SCAP: variants seen among roughly 807,000 people sequenced by gnomAD.
SCAP encodes SREBF chaperone, also known as sterol regulatory element-binding protein cleavage-activating protein.
In SCAP, 65 loss-of-function variants were observed where a neutral mutation model predicts 123.6. That is an observed-to-expected ratio of 0.53 (90% CI 0.43 to 0.65). The LOEUF (loss-of-function observed/expected upper bound fraction) is 0.65. Among genes scored for constraint, SCAP ranks in the 30% least tolerant of loss-of-function variants. The probability of loss-of-function intolerance (pLI) is 0.00; values close to 1 mark genes in which losing one functional copy is unlikely to be tolerated. For synonymous variants in SCAP, 740 were observed against 726.3 expected (o/e 1.02, Z -0.30); for missense variants, 1,398 against 1,712.5 (o/e 0.82, Z 3.24).
At chr3:47,459,289 A>C (rs1707540244) in intron 1 of SCAP, among the ~76,000 whole-genome samples, 1 of 152,192 alleles carries the variant, frequency 6.6e-6, no homozygotes, top group Non-Finnish European at 1.5e-5. Flanking sequence ...CACACAGGCT[A>C]AACACCCTTT....
chr3:47,433,517 T>G (rs1706449674), intron 3 of SCAP, among the ~76,000 whole-genome samples: 1 of 152,198 alleles, frequency 6.6e-6, no homozygotes, highest in African/African-American at 2.4e-5. Context: ...ATGGGCCAAA[T>G]GAACTCTCCT....
intron 3 of SCAP, among the ~76,000 whole-genome samples, chr3:47,432,345 G>GAAA (rs1164512061): frequency 7.3e-6 from 1 of 137,668 alleles, no homozygotes; most frequent in Non-Finnish European, 1.6e-5. Context: ...AAAGAAAAAG[G>GAAA]AAAAAAAAAA....
intron 3 of SCAP, among the ~76,000 whole-genome samples, chr3:47,432,432 A>G (rs1296017138): frequency 6.6e-6 from 1 of 151,268 alleles, no homozygotes; most frequent in African/African-American, 2.4e-5. Context: ...GACATACACT[A>G]TATTTACTTT....
chr3:47,475,297 C>T (rs768470984), intron 1 of SCAP: 15 of 152,214 alleles, frequency 9.9e-5, no homozygotes, highest in Non-Finnish European at 1.9e-4. Flanking sequence ...CAGAAGTAAA[C>T]AGAAGCAACA....
chr3:47,424,066 G>A, intron 8 of SCAP, 21 bp from the exon 9 acceptor site: 1 of 1,576,150 alleles, frequency 6.3e-7, no homozygotes, highest in Non-Finnish European at 8.7e-7. Context: ...AGAAGGAGAA[G>A]GTGAGGACAG....
chr3:47,446,690 C>G (rs1707057779), intron 1 of SCAP, among the ~76,000 whole-genome samples: 1 of 151,880 alleles, frequency 6.6e-6, no homozygotes, highest in African/African-American at 2.4e-5. Context: ...GCCTGTAATC[C>G]CAACACTTTG....
At chr3:47,450,992 A>G (rs1238776671) in intron 1 of SCAP, among the ~76,000 whole-genome samples, 1 of 119,938 alleles carries the variant, frequency 8.3e-6, no homozygotes, top group African/African-American at 2.9e-5. Context: ...GATTACAGGC[A>G]TGTGCCACCA....
In SCAP at chr3:47,443,026, A is replaced by C; in HGVS notation, c.-33T>G. ...CGAAGTCACCTTGCTGCCATCCCGG[A>C]AAGTGACCATGGATCACCCTGGCAC... On this transcript the variant is annotated 5_prime_UTR_variant, in exon 2 of 23. Coordinates refer to ENST00000265565, the MANE Select transcript of SCAP (RefSeq NM_012235.4). 6.2e-7 allele frequency: 1 copy of C among 1,612,538 alleles called. No individual in the cohort carries two copies. Among genetic ancestry groups the C allele is most frequent in the African/African-American group, 1.3e-5 (1 of 75,000 alleles).
At chr3:47,425,762 A>G in intron 7 of SCAP, 151 bp from the exon 8 acceptor site, 1 of 946,384 alleles carries the variant, frequency 1.1e-6, no homozygotes, top group Non-Finnish European at 1.6e-6. Flanking sequence ...TCCCAGTGTC[A>G]TGGACACAGT....
In SCAP at chr3:47,428,613, GA is replaced by G; in HGVS notation, c.309del (p.Trp105GlyfsTer8). The G allele has an allele frequency of 6.2e-7, 1 of 1,614,160 alleles. No homozygotes were observed. Among genetic ancestry groups the G allele is most frequent in the Non-Finnish European group, 8.5e-7 (1 of 1,180,016 alleles). ...ACTGCCAGGAGGTTCTTGTGCCAGG[GA>G]AACACTGAGGACTTCACAAATATCT... ...VQQIFVKSSV[F>X]PWHKNLLAVD... On this transcript the variant is annotated frameshift_variant, in exon 4 of 23. Coordinates refer to ENST00000265565, the MANE Select transcript of SCAP (RefSeq NM_012235.4). LOFTEE classifies it high-confidence loss of function.
chr3:47,436,236 TA>T (rs1373964421), intron 2 of SCAP, among the ~76,000 whole-genome samples: 1 of 152,070 alleles, frequency 6.6e-6, no homozygotes, highest in Non-Finnish European at 1.5e-5. Flanking sequence ...CCATGAAAAT[TA>T]TGTATAATTA....
In SCAP at chr3:47,471,680, T is replaced by C. The variant is rs1300424745; in HGVS notation, c.-99+4119A>G. On this transcript the variant is annotated intron_variant, in intron 1 of 22. Coordinates refer to ENST00000265565, the MANE Select transcript of SCAP (RefSeq NM_012235.4). ...GCCACTGTGCCTGGCCAACACCTTG[T>C]ATATTTTATGCTTTCTGAAAATGCT... Among the ~76,000 whole-genome samples, 4 of 152,098 alleles carry C rather than the reference T, an allele frequency of 2.6e-5. No individual in the cohort carries two copies. The East Asian group carries it at 7.7e-4, about 29-fold the overall frequency.
chr3:47,472,001 G>A (rs889748716), intron 1 of SCAP, among the ~76,000 whole-genome samples: 3 of 151,930 alleles, frequency 2.0e-5, no homozygotes, highest in Non-Finnish European at 4.4e-5. Context: ...TTAGCCAGGT[G>A]TGGTGGTGCA....
At position 47,413,990 on chromosome 3, in the gene SCAP, G is replaced by A. The variant is rs879130747; in HGVS notation, c.3704C>T (p.Thr1235Ile). 1.2e-6 allele frequency: 2 copies of A among 1,613,300 alleles called. No homozygotes were observed. Among genetic ancestry groups the A allele is most frequent in the South Asian group, 1.1e-5 (1 of 91,088 alleles). Residue 1235 changes from threonine (T) to isoleucine (I), a missense_variant, in exon 23 of 23, where the codon ACA (threonine) becomes ATA (isoleucine). Around this residue, in one of 7 missense-constraint regions of SCAP, gnomAD observed 130 missense variants for 166.7 expected, o/e 0.78. Coordinates refer to ENST00000265565, the MANE Select transcript of SCAP (RefSeq NM_012235.4). Reference sequence around the variant, plus strand: ...CTCACTGTTCTTCCCCAGGTAGACTGTCTGTAACAGGTCCCCGTAGTTTAG... The same window carrying A: ...CTCACTGTTCTTCCCCAGGTAGACTATCTGTAACAGGTCCCCGTAGTTTAG... ...WDLNYGDLLQTVYLGKNSEAQ... is the reference protein window; with the variant it reads ...WDLNYGDLLQIVYLGKNSEAQ...
intron 3 of SCAP, among the ~76,000 whole-genome samples, chr3:47,434,069 C>G (rs1706471722): frequency 6.6e-6 from 1 of 152,144 alleles, no homozygotes; most frequent in Admixed American, 6.5e-5. Context: ...GGTGCACTCC[C>G]CACTGACACC....
At chr3:47,437,147 G>T (rs1365219473) in intron 2 of SCAP, among the ~76,000 whole-genome samples, 1 of 152,114 alleles carries the variant, frequency 6.6e-6, no homozygotes, top group East Asian at 1.9e-4. Context: ...GAGCTATTAA[G>T]AATAAAGTTG....
chr3:47,420,696 T>C lies in SCAP; in HGVS notation c.1421A>G (p.Tyr474Cys). The part of the protein sequence containing the change: ...SAKPVGQPTR[Y>C]ERQLAVRPST... ...CGGCCTCACAGCCAGCTGCCGCTCG[T>C]AGCGCGTTGGCTGTCCCACTGGCTT... Residue 474 changes from tyrosine (Y) to cysteine (C), a missense_variant, in exon 12 of 23, where the codon TAC (tyrosine) becomes TGC (cysteine). By Grantham distance (194) the Tyr-to-Cys change is radical. Transcript: ENST00000265565. This position sits in a 1 kb window ranked among gnomAD's most constrained non-coding sequence, Gnocchi z 5.0. 6.2e-7 allele frequency: 1 copy of C among 1,611,732 alleles called. No individual in the cohort carries two copies. The highest frequency in any genetic ancestry group is 1.3e-5 in the African/African-American group (1 of 75,000).
At chr3:47,472,396 T>TGCAGTCC (rs1187635789) in intron 1 of SCAP, among the ~76,000 whole-genome samples, 6 of 149,214 alleles carry the variant, frequency 4.0e-5, no homozygotes, top group African/African-American at 9.8e-5. Context: ...ATTGCGCCAC[T>TGCAGTCC]GCAGTCCGCA....
intron 1 of SCAP, among the ~76,000 whole-genome samples, chr3:47,474,791 T>C (rs1476535034): frequency 6.6e-6 from 1 of 152,150 alleles, no homozygotes; most frequent in Non-Finnish European, 1.5e-5. Context: ...AGTGAGACCC[T>C]GTCTCCAAAC....
Sources: allele counts gnomAD v4.1 joint callset (sites outside exome capture counted in the v4.1 genomes callset), GRCh38; gene constraint gnomAD v4.1.1; regional missense constraint gnomAD v4.1.1; non-coding constraint Gnocchi (gnomAD v3.1); transcripts MANE v1.5; gene names NCBI Gene and HGNC (gene_info 2026-07-23, HGNC 2026-07-21).